Variants in FTCDNL1 observed in about 807,000 individuals in gnomAD.
FTCDNL1 encodes the protein formiminotransferase N-terminal subdomain-containing protein.
In FTCDNL1, 11 loss-of-function variants were observed where a neutral mutation model predicts 5.9. The observed-to-expected ratio is 1.87, with a 90% CI of 1.18 to 3.10. The LOEUF is 3.10. FTCDNL1 is among the 30% of genes most tolerant of loss of function. The probability of loss-of-function intolerance (pLI) is 0.00; values close to 1 mark genes in which losing one functional copy is unlikely to be tolerated. For synonymous variants in FTCDNL1, 58 were observed against 24.8 expected (o/e 2.34, Z -3.99); for missense variants, 115 against 65.5 (o/e 1.76, Z -2.61).
chr2:199,678,642 C>T, the FTCDNL1 span, among the ~76,000 whole-genome samples: 17,023 of 151,340 alleles, frequency 0.11, 1,302 homozygotes, highest in Middle Eastern at 0.24. Flanking sequence ...TTTGGAATCA[C>T]TGAAATATAA....
At chr2:199,817,049 T>C (rs545987822) in intron 4 of FTCDNL1, among the ~76,000 whole-genome samples, 36 of 152,380 alleles carry the variant, frequency 2.4e-4, no homozygotes, top group Admixed American at 1.2e-3. Context: ...GCATTTTCTA[T>C]GTCTCTGAAA....
At chr2:199,758,636 G>C (rs964466111), downstream of FTCDNL1, among the ~76,000 whole-genome samples, 2 of 152,122 alleles carry the variant, frequency 1.3e-5, no homozygotes, top group Non-Finnish European at 2.9e-5. Context: ...CCATTCACAA[G>C]TATACAAGAA....
At chr2:199,752,035 T>C in the FTCDNL1 span, among the ~76,000 whole-genome samples, 1 of 152,170 alleles carries the variant, frequency 6.6e-6, no homozygotes, top group African/African-American at 2.4e-5. Flanking sequence ...GCAGACTGAC[T>C]GTCCACAGAC....
chr2:199,738,567 A>G, the FTCDNL1 span, among the ~76,000 whole-genome samples: 1 of 151,974 alleles, frequency 6.6e-6, no homozygotes, highest in African/African-American at 2.4e-5. Flanking sequence ...GGTCTTTTTC[A>G]TTAAACATGT....
the FTCDNL1 span, among the ~76,000 whole-genome samples, chr2:199,735,117 A>G: frequency 8.9e-6 from 1 of 112,692 alleles, no homozygotes; most frequent in Non-Finnish European, 2.2e-5. Context: ...TACCTTTAGA[A>G]AAAAAAAAAA....
chr2:199,845,950 G>T, intron 3 of FTCDNL1, 125 bp downstream of exon 3: 1 of 471,394 alleles, frequency 2.1e-6, no homozygotes, highest in South Asian at 4.7e-5. Context: ...TAGCTTTGTG[G>T]TAGACTCTTT....
intron 3 of FTCDNL1, among the ~76,000 whole-genome samples, chr2:199,776,701 C>T (rs1470159752): frequency 1.3e-5 from 2 of 151,982 alleles, no homozygotes; most frequent in Non-Finnish European, 2.9e-5. Flanking sequence ...TGGACCCCAC[C>T]CAAACTGGAG....
At chr2:199,819,866 TC>T in intron 3 of FTCDNL1, 109 bp from the exon 4 acceptor site, 1 of 612,880 alleles carries the variant, frequency 1.6e-6, no homozygotes, top group Middle Eastern at 2.6e-4. Context: ...ATAGAACTCA[TC>T]ATTTTAGTCA....
At chr2:199,845,384 C>T (rs1349674717) in intron 3 of FTCDNL1, among the ~76,000 whole-genome samples, 3 of 151,984 alleles carry the variant, frequency 2.0e-5, no homozygotes, top group South Asian at 2.1e-4. Context: ...CTGGCCAACA[C>T]GGCAAATCCC....
At chr2:199,763,349 A>G (rs1044346626) in intron 3 of FTCDNL1, among the ~76,000 whole-genome samples, 1 of 152,196 alleles carries the variant, frequency 6.6e-6, no homozygotes, top group East Asian at 1.9e-4. Flanking sequence ...GCCTTTTACA[A>G]TGTGGGTGAT....
intron 3 of FTCDNL1, among the ~76,000 whole-genome samples, chr2:199,791,740 A>C (rs1386905644): frequency 6.6e-6 from 1 of 152,174 alleles, no homozygotes; most frequent in Non-Finnish European, 1.5e-5. Flanking sequence ...TACTTTGATA[A>C]CTGTGTTTCC....
intron 3 of FTCDNL1, among the ~76,000 whole-genome samples, chr2:199,829,192 A>T (rs573404185): frequency 2.0e-5 from 3 of 151,986 alleles, no homozygotes; most frequent in Non-Finnish European, 4.4e-5. Flanking sequence ...TTTTTAGGTT[A>T]TTTTTTTCCC....
the FTCDNL1 span, among the ~76,000 whole-genome samples, chr2:199,739,523 C>T: frequency 6.6e-6 from 1 of 152,156 alleles, no homozygotes; most frequent in Non-Finnish European, 1.5e-5. Context: ...TTTTGGGAAG[C>T]TAGAGTATGC....
At chr2:199,830,406 G>A (rs1245547695) in intron 3 of FTCDNL1, among the ~76,000 whole-genome samples, 1 of 152,132 alleles carries the variant, frequency 6.6e-6, no homozygotes, top group East Asian at 1.9e-4. Context: ...TCTTAGTTTA[G>A]TCTATGAAAG....
At chr2:199,693,285 T>C in the FTCDNL1 span, among the ~76,000 whole-genome samples, 1 of 152,202 alleles carries the variant, frequency 6.6e-6, no homozygotes, top group Non-Finnish European at 1.5e-5. Context: ...AACACTGTTA[T>C]ATGCATATTA....
chr2:199,838,107 C>G (rs1702880970), intron 3 of FTCDNL1, among the ~76,000 whole-genome samples: 1 of 152,192 alleles, frequency 6.6e-6, no homozygotes, highest in South Asian at 2.1e-4. Flanking sequence ...TACAGAGACA[C>G]TGGGTCTAGC....
At chr2:199,768,495 G>GTT (rs1255340368) in intron 3 of FTCDNL1, among the ~76,000 whole-genome samples, 3 of 152,098 alleles carry the variant, frequency 2.0e-5, no homozygotes, top group African/African-American at 7.2e-5. Context: ...ACCCCACTTA[G>GTT]TTTTAATGGC....
chr2:199,830,046 A>C (rs1009813997), intron 3 of FTCDNL1, among the ~76,000 whole-genome samples: 2 of 152,130 alleles, frequency 1.3e-5, no homozygotes, highest in Admixed American at 6.5e-5. Context: ...CAAGTAGGAA[A>C]AAAAAAAAGC....
the FTCDNL1 span, among the ~76,000 whole-genome samples, chr2:199,710,473 C>T: frequency 6.6e-5 from 10 of 152,200 alleles, no homozygotes; most frequent in South Asian, 2.1e-3. Context: ...CTGGAGGGCT[C>T]TCAAGACTCT....
Sources: gnomAD v4.1 joint callset for allele counts (sites outside exome capture counted in the v4.1 genomes callset) on GRCh38, gnomAD v4.1.1 for gene constraint, MANE v1.5 for transcripts, NCBI Gene and HGNC (gene_info 2026-07-23, HGNC 2026-07-21) for gene names.